The following ACBD6 variants were observed in gnomAD, a reference collection of about 807,000 sequenced individuals.
ACBD6 encodes the protein acyl-CoA binding domain containing 6.
Under a neutral mutation model 37.2 loss-of-function variants are expected in ACBD6, and 28 were observed. That is an observed-to-expected ratio of 0.75 (90% CI 0.56 to 1.03). ACBD6 has a LOEUF of 1.03. Ranked by LOEUF, ACBD6 falls within the 50% of genes least tolerant of loss-of-function variation. ACBD6 has a pLI of 0.00. For missense variants in ACBD6, 340 were observed against 337.4 expected (o/e 1.01, Z -0.06); for synonymous variants, 113 against 126.8 (o/e 0.89, Z 0.73).
chr1:180,453,471 C>T (rs989093753), intron 3 of ACBD6, among the ~76,000 whole-genome samples: 4 of 152,222 alleles, frequency 2.6e-5, no homozygotes, highest in Non-Finnish European at 5.9e-5. Context: ...GAAGCATTCC[C>T]TTTGAAAACT....
chr1:180,462,048 C>T (rs550699128), intron 3 of ACBD6, among the ~76,000 whole-genome samples: 1 of 152,162 alleles, frequency 6.6e-6, no homozygotes, highest in South Asian at 2.1e-4. Context: ...CCAGCCTGGC[C>T]AACATGGTAA....
At chr1:180,280,573 C>A (rs1649277702) in intron 9 of ACBD6, among the ~76,000 whole-genome samples, 1 of 152,026 alleles carries the variant, frequency 6.6e-6, no homozygotes, top group African/African-American at 2.4e-5. Context: ...GATTAAAGGT[C>A]TTTTAGTGGA....
At chr1:180,394,959 A>G (rs1654205197) in intron 6 of ACBD6, among the ~76,000 whole-genome samples, 1 of 152,204 alleles carries the variant, frequency 6.6e-6, no homozygotes, top group Admixed American at 6.5e-5. Context: ...AAGGAGAAAA[A>G]TACCATCAAT....
chr1:180,270,358 G>A (rs1648570988), exon 14 of ACBD6: 1 of 152,298 alleles, frequency 6.6e-6, no homozygotes, highest in Non-Finnish European at 1.5e-5. Context: ...ACACAGGTGA[G>A]CAAGCACAGA....
At chr1:180,436,358 T>G (rs1649036232) in intron 3 of ACBD6, among the ~76,000 whole-genome samples, 1 of 152,216 alleles carries the variant, frequency 6.6e-6, no homozygotes, top group Admixed American at 6.5e-5. Context: ...CAAACTCACC[T>G]GAATGGGATT....
chr1:180,342,173 C>T (rs1337318491), intron 6 of ACBD6, among the ~76,000 whole-genome samples: 1 of 152,056 alleles, frequency 6.6e-6, no homozygotes, highest in African/African-American at 2.4e-5. Flanking sequence ...AGAACCATGA[C>T]TCCAATTACA....
At chr1:180,312,190 G>A (rs1215423585) in intron 7 of ACBD6, among the ~76,000 whole-genome samples, 1 of 152,126 alleles carries the variant, frequency 6.6e-6, no homozygotes, top group Non-Finnish European at 1.5e-5. Context: ...TTATGAAATC[G>A]AGTCTTCCTA....
chr1:180,401,864 G>A (rs2101957530), intron 5 of ACBD6, among the ~76,000 whole-genome samples: 1 of 151,482 alleles, frequency 6.6e-6, no homozygotes, highest in African/African-American at 2.4e-5. Flanking sequence ...GAGTCTTGAT[G>A]TTCTTATGAT....
chr1:180,460,338 G>A (rs537043696), intron 3 of ACBD6, among the ~76,000 whole-genome samples: 15 of 151,826 alleles, frequency 9.9e-5, no homozygotes, highest in South Asian at 6.2e-4. Context: ...CAACTTAGCC[G>A]TTCCAGCCTC....
intron 6 of ACBD6, among the ~76,000 whole-genome samples, chr1:180,396,132 A>G (rs1558281514): frequency 6.6e-6 from 1 of 152,182 alleles, no homozygotes; most frequent in East Asian, 1.9e-4. Context: ...GGTAGTTGCC[A>G]GGGGCTGAGG....
chr1:180,294,137 C>T lies in ACBD6; in HGVS notation c.695-5620G>A, dbSNP rs373245555. Among the ~76,000 whole-genome samples, 9 of 152,034 alleles carry T rather than the reference C, an allele frequency of 5.9e-5. No individual in the cohort carries two copies. In the East Asian group the frequency reaches 7.8e-4, roughly 13 times the overall value. ...CTCGAACTCCTGACCTCAGGTGATC[C>T]GCCCGCCCCAGCCTCCCAAAGTGCT... On this transcript the variant is annotated intron_variant, in intron 7 of 7. Coordinates refer to ENST00000367595, the MANE Select transcript of ACBD6 (RefSeq NM_032360.4).
chr1:180,386,696 T>C (rs1653857919), intron 6 of ACBD6, among the ~76,000 whole-genome samples: 1 of 152,120 alleles, frequency 6.6e-6, no homozygotes, highest in Admixed American at 6.6e-5. Flanking sequence ...TTCCATCTAG[T>C]ATTGAGTGCA....
intron 7 of ACBD6, among the ~76,000 whole-genome samples, chr1:180,301,536 A>T (rs1395104068): frequency 6.6e-6 from 1 of 152,172 alleles, no homozygotes; most frequent in African/African-American, 2.4e-5. Flanking sequence ...TTCCAAGATG[A>T]ATCATCTGTT....
intron 6 of ACBD6, among the ~76,000 whole-genome samples, chr1:180,315,276 C>T (rs1421651729): frequency 1.3e-5 from 2 of 152,100 alleles, no homozygotes; most frequent in Non-Finnish European, 2.9e-5. Context: ...CCAAAAGTTG[C>T]CATAGAATAC....
At chr1:180,481,723 A>T (rs1410391495) in intron 3 of ACBD6, among the ~76,000 whole-genome samples, 1 of 152,226 alleles carries the variant, frequency 6.6e-6, no homozygotes, top group Admixed American at 6.5e-5. Context: ...AAACAAAAGA[A>T]GAACCAGAAG....
intron 6 of ACBD6, among the ~76,000 whole-genome samples, chr1:180,337,629 A>G (rs1651795508): frequency 6.6e-6 from 1 of 152,236 alleles, no homozygotes; most frequent in African/African-American, 2.4e-5. Flanking sequence ...CTCCTATTCA[A>G]CATAGTGTTG....
chr1:180,493,625 C>T (rs914184448), intron 2 of ACBD6, among the ~76,000 whole-genome samples: 2 of 152,140 alleles, frequency 1.3e-5, no homozygotes, highest in Admixed American at 1.3e-4. Flanking sequence ...CACTTCATCC[C>T]TAAATAGATC....
chr1:180,360,351 C>T (rs1198854378), intron 6 of ACBD6, among the ~76,000 whole-genome samples: 1 of 152,218 alleles, frequency 6.6e-6, no homozygotes, highest in Non-Finnish European at 1.5e-5. Flanking sequence ...ATGTTAATGA[C>T]TTTCAGAACT....
intron 3 of ACBD6, among the ~76,000 whole-genome samples, chr1:180,471,484 T>TGA (rs3075586): frequency 0.96 from 144,841 of 151,664 alleles, 69,228 homozygotes; most frequent in African/African-American, 0.99. Flanking sequence ...AAAACATACC[T>TGA]GACTGGGGAG....
Sources: gnomAD v4.1 joint callset for allele counts (sites outside exome capture counted in the v4.1 genomes callset) on GRCh38, gnomAD v4.1.1 for gene constraint, MANE v1.5 for transcripts, NCBI Gene and HGNC (gene_info 2026-07-23, HGNC 2026-07-21) for gene names.